CRB1: variants seen among roughly 807,000 people sequenced by gnomAD.
The protein encoded by CRB1 is protein crumbs homolog 1.
In CRB1, 83 loss-of-function variants were observed where a neutral mutation model predicts 120.0. The ratio of observed to expected loss-of-function variants is 0.69; its 90% CI spans 0.58 to 0.83. The LOEUF is 0.83. CRB1 is among the 40% of genes least tolerant of loss of function. The probability of loss-of-function intolerance (pLI) is 0.00; values close to 1 mark genes in which losing one functional copy is unlikely to be tolerated. For synonymous variants in CRB1, 625 were observed against 612.5 expected, an observed-to-expected ratio of 1.02 and a Z score of -0.30; for missense variants, 1,699 against 1,687.6, an observed-to-expected ratio of 1.01 and a Z score of -0.12.
chr1:197,410,685 C>T (rs1399300044), intron 5 of CRB1, among the ~76,000 whole-genome samples: 1 of 152,190 alleles, frequency 6.6e-6, no homozygotes, highest in African/African-American at 2.4e-5. Flanking sequence ...ATATTTTCCA[C>T]TTATAAATTC....
upstream of CRB1, among the ~76,000 whole-genome samples, chr1:197,265,827 C>T (rs766713127): frequency 2.0e-5 from 3 of 152,122 alleles, no homozygotes; most frequent in Non-Finnish European, 2.9e-5. Context: ...TTGTGGACAA[C>T]GGCAATATCC....
At chr1:197,213,653 T>C in the CRB1 span, among the ~76,000 whole-genome samples, 1 of 152,134 alleles carries the variant, frequency 6.6e-6, no homozygotes, top group Non-Finnish European at 1.5e-5. Flanking sequence ...TCTTTTAAAA[T>C]TTGAAAAGAT....
intron 11 of CRB1, among the ~76,000 whole-genome samples, chr1:197,446,340 T>C (rs1376681157): frequency 6.6e-6 from 1 of 152,108 alleles, no homozygotes; most frequent in Non-Finnish European, 1.5e-5. Context: ...AAGCCTAAGC[T>C]AAGACTTGAG....
chr1:197,234,637 G>T, the CRB1 span, among the ~76,000 whole-genome samples: 1 of 152,206 alleles, frequency 6.6e-6, no homozygotes, highest in African/African-American at 2.4e-5. Context: ...AAAATGACTT[G>T]CTCAGTTATC....
intron 5 of CRB1, among the ~76,000 whole-genome samples, chr1:197,420,329 A>G (rs1212761223): frequency 6.6e-6 from 1 of 152,138 alleles, no homozygotes; most frequent in Non-Finnish European, 1.5e-5. Flanking sequence ...AATTAGATAT[A>G]TTTTTTGACT....
At chr1:197,208,002 A>G in the CRB1 span, among the ~76,000 whole-genome samples, 9 of 151,832 alleles carry the variant, frequency 5.9e-5, no homozygotes, top group East Asian at 1.9e-4. Flanking sequence ...TACCTGTTCA[A>G]TTCTATTGCT....
chr1:197,269,655 G>C (rs1558019567), intron 1 of CRB1, among the ~76,000 whole-genome samples: 1 of 152,000 alleles, frequency 6.6e-6, no homozygotes, highest in Non-Finnish European at 1.5e-5. Context: ...GGAGAAGAAA[G>C]GGAGAAAAAG....
chr1:197,327,936 A>G (rs1298465577), intron 1 of CRB1, among the ~76,000 whole-genome samples: 2 of 152,218 alleles, frequency 1.3e-5, no homozygotes, highest in African/African-American at 4.8e-5. Flanking sequence ...AGGGAAAACA[A>G]AAAGTCTGAA....
At chr1:197,264,594 A>G (rs1180847192), upstream of CRB1, among the ~76,000 whole-genome samples, 2 of 151,636 alleles carry the variant, frequency 1.3e-5, no homozygotes, top group Non-Finnish European at 1.5e-5. Context: ...TACACAGTGA[A>G]TAAGAACAGT....
chr1:197,440,920 A>G (rs1443333627), intron 10 of CRB1: 2 of 152,204 alleles, frequency 1.3e-5, no homozygotes, highest in African/African-American at 4.8e-5. Flanking sequence ...GTCTCCCTCC[A>G]GTCCAGAAGC....
At chr1:197,348,053 A>G (rs1659877273) in intron 4 of CRB1, among the ~76,000 whole-genome samples, 2 of 152,242 alleles carry the variant, frequency 1.3e-5, no homozygotes, top group South Asian at 4.1e-4. Flanking sequence ...AATTTTGCAA[A>G]ACAAACTGCC....
chr1:197,282,330 A>C (rs956805342), intron 1 of CRB1, among the ~76,000 whole-genome samples: 3 of 151,982 alleles, frequency 2.0e-5, no homozygotes, highest in Non-Finnish European at 2.9e-5. Flanking sequence ...AGAGAACACA[A>C]AAAATCTAGA....
chr1:197,327,064 A>G (rs2125300682), intron 1 of CRB1, among the ~76,000 whole-genome samples: 1 of 145,078 alleles, frequency 6.9e-6, no homozygotes, highest in Middle Eastern at 3.9e-3. Flanking sequence ...CAAAGCATTT[A>G]AATTTAGTGA....
At chr1:197,410,897 G>A (rs980531610) in intron 5 of CRB1, among the ~76,000 whole-genome samples, 1 of 152,154 alleles carries the variant, frequency 6.6e-6, no homozygotes, top group African/African-American at 2.4e-5. Flanking sequence ...CAAGACAGCT[G>A]GTTCTATGCT....
At chr1:197,374,998 C>T (rs1372269436) in intron 5 of CRB1, among the ~76,000 whole-genome samples, 1 of 152,148 alleles carries the variant, frequency 6.6e-6, no homozygotes, top group East Asian at 1.9e-4. Flanking sequence ...TTTTGCTTCC[C>T]TCTTTCACCT....
At chr1:197,404,727 A>T (rs1013406932) in intron 5 of CRB1, among the ~76,000 whole-genome samples, 6 of 152,220 alleles carry the variant, frequency 3.9e-5, no homozygotes, top group African/African-American at 1.4e-4. Context: ...GCCCCTGCTA[A>T]ACAGCAATTA....
At chr1:197,416,144 G>C (rs941281001) in intron 5 of CRB1, among the ~76,000 whole-genome samples, 2 of 152,046 alleles carry the variant, frequency 1.3e-5, no homozygotes, top group African/African-American at 4.8e-5. Context: ...CTATCATTTA[G>C]TTTTTCACAA....
At chr1:197,270,181 A>G (rs1654831874) in intron 1 of CRB1, among the ~76,000 whole-genome samples, 1 of 152,204 alleles carries the variant, frequency 6.6e-6, no homozygotes, top group African/African-American at 2.4e-5. Context: ...AGACAAGTGA[A>G]TAACATAATA....
chr1:197,453,539 TAG>T (rs1181738570), intron 11 of CRB1, among the ~76,000 whole-genome samples: 321 of 58,468 alleles, frequency 5.5e-3, no homozygotes, highest in East Asian at 0.045. Flanking sequence ...TATATATATA[TAG>T]AGAGAGAGAC....
Sources: gnomAD v4.1 joint callset for allele counts (sites outside exome capture counted in the v4.1 genomes callset) on GRCh38, gnomAD v4.1.1 for gene constraint, MANE v1.5 for transcripts, NCBI Gene and HGNC (gene_info 2026-07-23, HGNC 2026-07-21) for gene names.